PNKD: variants seen among roughly 807,000 people sequenced by gnomAD.
The protein encoded by PNKD is PNKD metallo-beta-lactamase domain containing, also known as probable thioesterase PNKD.
Under a neutral mutation model 45.3 loss-of-function variants are expected in PNKD, and 36 were observed. That is an observed-to-expected ratio of 0.80 (90% CI 0.61 to 1.05). The LOEUF is 1.05. Among genes scored for constraint, PNKD ranks in the 50% least tolerant of loss-of-function variants. The pLI, the probability that PNKD is intolerant of heterozygous loss-of-function variation, is 0.00. For missense variants in PNKD, 511 were observed against 506.6 expected (o/e 1.01, Z -0.08); for synonymous variants, 197 against 210.1 (o/e 0.94, Z 0.54).
intron 2 of PNKD, among the ~76,000 whole-genome samples, chr2:218,313,555 G>A (rs554612211): frequency 1.3e-4 from 20 of 152,294 alleles, no homozygotes; most frequent in Admixed American, 5.9e-4. Flanking sequence ...GGAACACTGA[G>A]TTCCACAGAA....
chr2:218,291,377 C>T (rs954348739), intron 2 of PNKD, among the ~76,000 whole-genome samples: 1 of 152,184 alleles, frequency 6.6e-6, no homozygotes, highest in African/African-American at 2.4e-5. Context: ...CCCCAGGAGG[C>T]ACCTGGCTCC....
intron 2 of PNKD, among the ~76,000 whole-genome samples, chr2:218,304,345 T>C (rs1336182032): frequency 2.0e-5 from 3 of 152,068 alleles, no homozygotes; most frequent in Non-Finnish European, 4.4e-5. Flanking sequence ...GGTTTCACCA[T>C]GTTGACCAGG....
At chr2:218,274,700 A>T (rs946878485) in intron 2 of PNKD, 2 of 155,444 alleles carry the variant, frequency 1.3e-5, no homozygotes, top group African/African-American at 4.8e-5. Context: ...CCAGAGATCC[A>T]GAAGCCTGCA....
chr2:218,275,551 G>A (rs1238027309), intron 2 of PNKD: 5 of 1,614,112 alleles, frequency 3.1e-6, no homozygotes, highest in Non-Finnish European at 4.2e-6. Flanking sequence ...CAGGGCGCCA[G>A]TGATGTAGTC....
intron 5 of PNKD, 57 bp from the exon 6 acceptor site, chr2:218,341,476 AG>A: frequency 8.7e-7 from 1 of 1,146,156 alleles, no homozygotes; most frequent in Non-Finnish European, 1.3e-6. Flanking sequence ...GTGGTAAAGA[AG>A]GGGGCTTAGG....
intron 2 of PNKD, among the ~76,000 whole-genome samples, chr2:218,317,409 G>A (rs1037969636): frequency 1.3e-5 from 2 of 152,234 alleles, no homozygotes; most frequent in African/African-American, 4.8e-5. Flanking sequence ...CTGATGGCAG[G>A]AATCAGGCAG....
chr2:218,305,404 T>C (rs1693379419), intron 2 of PNKD, among the ~76,000 whole-genome samples: 1 of 152,132 alleles, frequency 6.6e-6, no homozygotes, highest in South Asian at 2.1e-4. Context: ...CAGGCTGGAG[T>C]GCAGTGGCAA....
At chr2:218,317,545 T>G (rs1288668877) in intron 2 of PNKD, among the ~76,000 whole-genome samples, 4 of 152,218 alleles carry the variant, frequency 2.6e-5, no homozygotes, top group Non-Finnish European at 5.9e-5. Flanking sequence ...GCCTGGACTA[T>G]TGCTAGTGCA....
At chr2:218,288,069 A>C (rs1412031427) in intron 2 of PNKD, among the ~76,000 whole-genome samples, 2 of 152,188 alleles carry the variant, frequency 1.3e-5, no homozygotes, top group Non-Finnish European at 2.9e-5. Context: ...CTGTCTTTTC[A>C]TTGAACTTCA....
At chr2:218,293,990 ATGTT>A (rs1208050716) in intron 2 of PNKD, among the ~76,000 whole-genome samples, 2 of 150,978 alleles carry the variant, frequency 1.3e-5, no homozygotes, top group Non-Finnish European at 3.0e-5. Flanking sequence ...CACACTATGT[ATGTT>A]TATTTCTGTA....
intron 2 of PNKD, among the ~76,000 whole-genome samples, chr2:218,320,822 A>T (rs4672886): frequency 6.6e-6 from 1 of 152,050 alleles, no homozygotes; most frequent in Admixed American, 6.6e-5. Context: ...GGTATAAAGT[A>T]CAGGAGAGGG....
At chr2:218,305,455 A>G (rs544784557) in intron 2 of PNKD, among the ~76,000 whole-genome samples, 1 of 151,918 alleles carries the variant, frequency 6.6e-6, no homozygotes, top group African/African-American at 2.4e-5. Context: ...ACCTCAAGCA[A>G]TCGTCTTGCC....
intron 2 of PNKD, among the ~76,000 whole-genome samples, chr2:218,331,841 T>C (rs1455786614): frequency 6.6e-6 from 1 of 152,236 alleles, no homozygotes; most frequent in African/African-American, 2.4e-5. Context: ...AATACGTGCT[T>C]GAGCTTTGTG....
intron 1 of PNKD, 148 bp from the exon 2 acceptor site, chr2:218,271,233 G>A (rs976419960): frequency 2.1e-5 from 16 of 774,684 alleles, no homozygotes; most frequent in Non-Finnish European, 3.7e-5. Flanking sequence ...ATTTCCCTTT[G>A]GATTCTCCTT....
At chr2:218,311,653 A>G (rs6748980) in intron 2 of PNKD, among the ~76,000 whole-genome samples, 148,466 of 152,252 alleles carry the variant, frequency 0.98, 72,460 homozygotes, top group East Asian at 1. Context: ...CAGCCATAGG[A>G]CGGTTTTCTC....
chr2:218,276,313 T>C (rs903205983), intron 2 of PNKD, among the ~76,000 whole-genome samples: 1 of 152,114 alleles, frequency 6.6e-6, no homozygotes, highest in African/African-American at 2.4e-5. Context: ...CCAAAGCCAG[T>C]CAAGGTACAC....
At chr2:218,323,197 C>CG in intron 2 of PNKD, 15 of 1,386,670 alleles carry the variant, frequency 1.1e-5, no homozygotes, top group Admixed American at 3.4e-5. Context: ...AGGTTCCCCG[C>CG]GGGGGGCCGG....
intron 2 of PNKD, among the ~76,000 whole-genome samples, chr2:218,323,916 A>C (rs1007956095): frequency 5.3e-5 from 8 of 152,078 alleles, no homozygotes; most frequent in South Asian, 2.1e-4. Flanking sequence ...CCAGCATCCA[A>C]CTCCTCACCA....
intron 2 of PNKD, chr2:218,282,163 G>A: frequency 6.9e-7 from 1 of 1,452,684 alleles, no homozygotes; most frequent in East Asian, 2.6e-5. Context: ...GGCTGAGGGG[G>A]AACCCCAGCT....
Sources: gnomAD v4.1 joint callset for allele counts (sites outside exome capture counted in the v4.1 genomes callset) on GRCh38, gnomAD v4.1.1 for gene constraint, MANE v1.5 for transcripts, NCBI Gene and HGNC (gene_info 2026-07-23, HGNC 2026-07-21) for gene names.